The following ASIC2 variants were observed in gnomAD, a reference collection of about 807,000 sequenced individuals.
The protein encoded by ASIC2 is acid-sensing ion channel 2.
ASIC2 carries 25 observed loss-of-function variants against 57.3 expected under a neutral mutation model. That is an observed-to-expected ratio of 0.44 (90% CI 0.32 to 0.61). The LOEUF (loss-of-function observed/expected upper bound fraction) is 0.61. ASIC2 is among the 20% of genes least tolerant of loss of function. The pLI, the probability that ASIC2 is intolerant of heterozygous loss-of-function variation, is 0.06. For synonymous variants in ASIC2, 319 were observed against 307.5 expected (o/e 1.04, Z -0.39); for missense variants, 641 against 738.1 (o/e 0.87, Z 1.52).
At chr17:33,615,797 A>T (rs1035713989) in intron 1 of ASIC2, among the ~76,000 whole-genome samples, 1 of 152,206 alleles carries the variant, frequency 6.6e-6, no homozygotes, top group African/African-American at 2.4e-5. Context: ...TGATCCTGGT[A>T]CATTAATAAC....
At chr17:34,142,468 C>T (rs1912298095) in intron 1 of ASIC2, among the ~76,000 whole-genome samples, 1 of 152,196 alleles carries the variant, frequency 6.6e-6, no homozygotes, top group South Asian at 2.1e-4. Flanking sequence ...TTGAGGCCTA[C>T]TGTGCTATGT....
At position 33,218,786 on chromosome 17, in the gene ASIC2, G is replaced by C. The variant is rs9807040; in HGVS notation, c.708+72622C>G. Among the ~76,000 whole-genome samples, 136 of 152,086 alleles carry C rather than the reference G, an allele frequency of 8.9e-4. 1 individual carries two copies. Among genetic ancestry groups the C allele is most frequent in the African/African-American group, 3.2e-3 (133 of 41,484 alleles). On this transcript the variant is annotated intron_variant, in intron 1 of 9. Transcript: ENST00000225823. ...GGTAAATCCGATCAGGTTGTTGCTCGGGGCATCTCTCTTCCCTCCTCACTC... is the reference window on the plus strand; with the variant it reads ...GGTAAATCCGATCAGGTTGTTGCTCCGGGCATCTCTCTTCCCTCCTCACTC...
intron 1 of ASIC2, among the ~76,000 whole-genome samples, chr17:33,278,167 C>T (rs762460049): frequency 2.0e-5 from 3 of 151,958 alleles, no homozygotes; most frequent in Non-Finnish European, 4.4e-5. Context: ...CTTCAGGCAG[C>T]CCCTGCTGTT....
At chr17:33,717,688 C>T (rs1053230497) in intron 1 of ASIC2, among the ~76,000 whole-genome samples, 2 of 152,114 alleles carry the variant, frequency 1.3e-5, no homozygotes, top group Non-Finnish European at 2.9e-5. Context: ...AAGAGCCACC[C>T]CCTGCCCAAG....
chr17:33,048,799 G>T (rs1464493706), intron 3 of ASIC2, among the ~76,000 whole-genome samples: 1 of 152,192 alleles, frequency 6.6e-6, no homozygotes, highest in Non-Finnish European at 1.5e-5. Flanking sequence ...TGGTACGGGG[G>T]TCTCCCTGTC....
intron 1 of ASIC2, among the ~76,000 whole-genome samples, chr17:33,171,325 A>T (rs906716873): frequency 2.0e-5 from 3 of 152,202 alleles, no homozygotes; most frequent in African/African-American, 7.2e-5. Flanking sequence ...CCCATTGCTT[A>T]CTTAATATGT....
chr17:33,515,273 T>G (rs1485109542), intron 1 of ASIC2, among the ~76,000 whole-genome samples: 3 of 152,106 alleles, frequency 2.0e-5, no homozygotes, highest in Admixed American at 2.0e-4. Flanking sequence ...ACCCATACAC[T>G]CCAGCCCTGC....
chr17:34,034,589 A>G (rs1425977932), intron 1 of ASIC2, among the ~76,000 whole-genome samples: 5 of 152,224 alleles, frequency 3.3e-5, no homozygotes, highest in African/African-American at 9.7e-5. Flanking sequence ...TTTGCAGATG[A>G]CATGATTGTA....
At chr17:33,342,833 G>T (rs577643228) in intron 1 of ASIC2, among the ~76,000 whole-genome samples, 32 of 152,240 alleles carry the variant, frequency 2.1e-4, no homozygotes, top group African/African-American at 7.7e-4. Flanking sequence ...TGCCTTGGTG[G>T]TTAATCCCCA....
chr17:33,056,067 A>C (rs2091996836), intron 3 of ASIC2, among the ~76,000 whole-genome samples: 1 of 152,244 alleles, frequency 6.6e-6, no homozygotes, highest in South Asian at 2.1e-4. Context: ...CCGTTCATCT[A>C]GTCCAACCTA....
intron 1 of ASIC2, among the ~76,000 whole-genome samples, chr17:33,779,772 G>T (rs965564147): frequency 6.6e-6 from 1 of 152,088 alleles, no homozygotes; most frequent in East Asian, 1.9e-4. Flanking sequence ...GATGTTTACC[G>T]CATGCCAAGC....
chr17:33,724,056 A>G (rs1994658), intron 1 of ASIC2, among the ~76,000 whole-genome samples: 2 of 151,960 alleles, frequency 1.3e-5, no homozygotes, highest in African/African-American at 4.8e-5. Flanking sequence ...TAATTGAATC[A>G]TGGGGGTGGG....
chr17:33,956,896 A>G (rs547348373), intron 1 of ASIC2, among the ~76,000 whole-genome samples: 1 of 152,310 alleles, frequency 6.6e-6, no homozygotes, highest in Admixed American at 6.5e-5. Flanking sequence ...GAGAGCTGGG[A>G]CAGTTGCCTA....
At chr17:33,931,290 G>A (rs1379492715) in intron 1 of ASIC2, 1 of 152,248 alleles carries the variant, frequency 6.6e-6, no homozygotes, top group East Asian at 1.9e-4. Context: ...CAGCGGGTAC[G>A]TGACTGCGGG....
intron 1 of ASIC2, among the ~76,000 whole-genome samples, chr17:33,265,456 A>G (rs896828365): frequency 2.0e-5 from 3 of 152,174 alleles, no homozygotes; most frequent in African/African-American, 7.2e-5. Flanking sequence ...GGAGCTGAAC[A>G]ATGAGAACAC....
intron 1 of ASIC2, among the ~76,000 whole-genome samples, chr17:33,465,334 G>A (rs1375799962): frequency 6.6e-6 from 1 of 151,300 alleles, no homozygotes; most frequent in Non-Finnish European, 1.5e-5. Context: ...AGTGAAATGA[G>A]TAGAAGATCT....
At chr17:33,073,866 T>C (rs546960364) in intron 3 of ASIC2, among the ~76,000 whole-genome samples, 2 of 152,124 alleles carry the variant, frequency 1.3e-5, no homozygotes, top group African/African-American at 2.4e-5. Flanking sequence ...TTTGAGGAAG[T>C]GGAACCTTGT....
At chr17:33,592,523 C>G (rs1904859157) in intron 1 of ASIC2, among the ~76,000 whole-genome samples, 1 of 152,228 alleles carries the variant, frequency 6.6e-6, no homozygotes, top group Non-Finnish European at 1.5e-5. Context: ...CTGATAACAT[C>G]CACTTGCATT....
Position 33,028,408 on chromosome 17 carries a change from G to A in ASIC2, c.988-16C>T. 6.2e-7 allele frequency: 1 copy of A among 1,613,874 alleles called. No homozygotes were observed. The highest frequency in any genetic ancestry group is 8.5e-7 in the Non-Finnish European group (1 of 1,179,844). ...GGTATGTGAGCTGCAAGACAGGAAG[G>A]AGGGGGCGGCAGTCAGCCTCAACAG... On this transcript the variant is annotated splice_polypyrimidine_tract_variant and intron_variant, in intron 3 of 9. Coordinates refer to ENST00000225823, the MANE Select transcript of ASIC2 (RefSeq NM_183377.2).
Sources: gnomAD v4.1 joint callset for allele counts (sites outside exome capture counted in the v4.1 genomes callset) on GRCh38, gnomAD v4.1.1 for gene constraint, MANE v1.5 for transcripts, NCBI Gene and HGNC (gene_info 2026-07-23, HGNC 2026-07-21) for gene names.